FARP1: variants seen among roughly 807,000 people sequenced by gnomAD.
FARP1 encodes FERM, ARHGEF and pleckstrin domain-containing protein 1.
Under a neutral mutation model 128.8 loss-of-function variants are expected in FARP1, and 52 were observed. The observed-to-expected ratio is 0.40, with a 90% CI of 0.32 to 0.51. The LOEUF is 0.51. Ranked by LOEUF, FARP1 falls within the 20% of genes least tolerant of loss-of-function variation. The pLI is 0.45. For synonymous variants in FARP1, 580 were observed against 551.8 expected, an observed-to-expected ratio of 1.05 and a Z score of -0.72; for missense variants, 1,333 against 1,367.9, an observed-to-expected ratio of 0.97 and a Z score of 0.40.
chr13:98,284,591 T>C (rs1885080193), intron 2 of FARP1, among the ~76,000 whole-genome samples: 1 of 152,168 alleles, frequency 6.6e-6, no homozygotes, highest in Non-Finnish European at 1.5e-5. Context: ...CCATTGCTCT[T>C]TTTCTTCTTC....
At chr13:98,153,390 A>G (rs1295093741) in intron 1 of FARP1, among the ~76,000 whole-genome samples, 1 of 112,216 alleles carries the variant, frequency 8.9e-6, no homozygotes, top group African/African-American at 2.8e-5. Flanking sequence ...TATATAATAA[A>G]TAATACATTA....
chr13:98,427,093 T>C (rs1891817548), intron 17 of FARP1, among the ~76,000 whole-genome samples: 1 of 152,118 alleles, frequency 6.6e-6, no homozygotes, highest in Non-Finnish European at 1.5e-5. Flanking sequence ...GTACATTCTC[T>C]GGGTGTTGAC....
At chr13:98,237,774 GCA>G (rs1366643100) in intron 2 of FARP1, among the ~76,000 whole-genome samples, 4 of 152,186 alleles carry the variant, frequency 2.6e-5, no homozygotes, top group African/African-American at 9.7e-5. Context: ...ATTGAGGACT[GCA>G]GCTTCAGTTG....
intron 2 of FARP1, among the ~76,000 whole-genome samples, chr13:98,309,332 A>AT (rs35611897): frequency 0.16 from 22,940 of 143,732 alleles, 2,449 homozygotes; most frequent in East Asian, 0.4. Flanking sequence ...ACGCCCGGCT[A>AT]TTTTTTTTTT....
chr13:98,187,719 T>G (rs2139223731), intron 1 of FARP1, among the ~76,000 whole-genome samples: 1 of 152,286 alleles, frequency 6.6e-6, no homozygotes. Context: ...TGGATTACCA[T>G]ATGGAGCTGG....
chr13:98,243,190 T>C (rs573362621), intron 2 of FARP1, among the ~76,000 whole-genome samples: 1 of 152,294 alleles, frequency 6.6e-6, no homozygotes, highest in South Asian at 2.1e-4. Flanking sequence ...ATTAATAATA[T>C]TGGGAAGATG....
chr13:98,406,799 T>C (rs1890995643), intron 13 of FARP1: 2 of 152,412 alleles, frequency 1.3e-5, no homozygotes, highest in Non-Finnish European at 2.9e-5. Flanking sequence ...GGCTCTCTTA[T>C]GGAACCATAG....
chr13:98,219,931 A>C (rs1881316904), intron 2 of FARP1, among the ~76,000 whole-genome samples: 1 of 152,078 alleles, frequency 6.6e-6, no homozygotes, highest in African/African-American at 2.4e-5. Flanking sequence ...GGCCTCCTAA[A>C]GCGCTGTGAT....
chr13:98,258,708 G>A (rs372139669), intron 2 of FARP1, among the ~76,000 whole-genome samples: 2 of 151,498 alleles, frequency 1.3e-5, no homozygotes, highest in African/African-American at 4.8e-5. Flanking sequence ...AAAAAAAAAA[G>A]CCAAGGTCAA....
At chr13:98,180,721 C>G (rs1878445972) in intron 1 of FARP1, among the ~76,000 whole-genome samples, 1 of 152,100 alleles carries the variant, frequency 6.6e-6, no homozygotes, top group Non-Finnish European at 1.5e-5. Flanking sequence ...TTGTGGGAAT[C>G]TGCCTTTGTA....
At chr13:98,395,955 T>C in intron 13 of FARP1, 2 of 399,254 alleles carry the variant, frequency 5.0e-6, no homozygotes, top group Non-Finnish European at 4.4e-6. Flanking sequence ...GACATGACCA[T>C]AGAGAGGGGA....
chr13:98,268,535 T>A (rs1467113747), intron 2 of FARP1, among the ~76,000 whole-genome samples: 2 of 152,204 alleles, frequency 1.3e-5, no homozygotes, highest in Non-Finnish European at 2.9e-5. Context: ...TGGCGCGATC[T>A]CAGCTCACTG....
Position 98,448,374 on chromosome 13 carries a change from TCTGTATTAATGAAGC to T in FARP1, c.*61_*75del. On this transcript the variant is annotated 3_prime_UTR_variant, in exon 27 of 27. Transcript: ENST00000319562. Reference sequence around the variant, plus strand: ...CTTTCCTGGAAGACGTTTCCTTTCTTCTGTATTAATGAAGCCTGGTAAAATTAACACCTGTCTGAA... The same window carrying T: ...CTTTCCTGGAAGACGTTTCCTTTCTTCTGGTAAAATTAACACCTGTCTGAA... 1 of 1,330,438 alleles carries T rather than the reference TCTGTATTAATGAAGC, an allele frequency of 7.5e-7. No homozygotes were observed. The highest frequency in any genetic ancestry group is 1.2e-5 in the South Asian group (1 of 85,314). 82.4% of individuals were successfully genotyped at this position (1,330,438 alleles called of 1,614,324 possible).
intron 2 of FARP1, among the ~76,000 whole-genome samples, chr13:98,324,898 C>G (rs1406121824): frequency 6.6e-6 from 1 of 152,230 alleles, no homozygotes; most frequent in Non-Finnish European, 1.5e-5. Flanking sequence ...CTTCATGGCC[C>G]ATGGCTGCCT....
At chr13:98,323,765 AT>A (rs1196755046) in intron 2 of FARP1, among the ~76,000 whole-genome samples, 1 of 152,208 alleles carries the variant, frequency 6.6e-6, no homozygotes, top group Non-Finnish European at 1.5e-5. Context: ...TAAGAAAAAA[AT>A]CTCCAATTCT....
At chr13:98,157,021 G>T (rs1876539082) in intron 1 of FARP1, among the ~76,000 whole-genome samples, 1 of 152,208 alleles carries the variant, frequency 6.6e-6, no homozygotes, top group Admixed American at 6.5e-5. Flanking sequence ...GACGCTGAGA[G>T]ACATTATTGA....
At chr13:98,327,629 G>A (rs1566882778) in intron 2 of FARP1, among the ~76,000 whole-genome samples, 2 of 152,320 alleles carry the variant, frequency 1.3e-5, no homozygotes, top group East Asian at 3.9e-4. Context: ...TTCTGATAAA[G>A]TCTTTCCCTC....
intron 3 of FARP1, among the ~76,000 whole-genome samples, chr13:98,358,675 A>C: frequency 6.6e-6 from 1 of 152,014 alleles, no homozygotes; most frequent in South Asian, 2.1e-4. Context: ...TCACTCTGTC[A>C]CCCAGGCTGG....
chr13:98,337,857 G>A, intron 2 of FARP1, among the ~76,000 whole-genome samples: 1 of 151,426 alleles, frequency 6.6e-6, no homozygotes, highest in East Asian at 1.9e-4. Flanking sequence ...TCCTTTTTTT[G>A]CCAGACATAT....
Sources: allele counts gnomAD v4.1 joint callset (sites outside exome capture counted in the v4.1 genomes callset), GRCh38; gene constraint gnomAD v4.1.1; transcripts MANE v1.5; gene names NCBI Gene and HGNC (gene_info 2026-07-23, HGNC 2026-07-21).